The following CDH18 variants were observed in gnomAD, a reference collection of about 807,000 sequenced individuals.
The protein encoded by CDH18 is cadherin 18.
In CDH18, 31 loss-of-function variants were observed where a neutral mutation model predicts 67.9. That is an observed-to-expected ratio of 0.46 (90% CI 0.34 to 0.62). CDH18 has a LOEUF of 0.62. Among genes scored for constraint, CDH18 ranks in the 20% least tolerant of loss-of-function variants. CDH18 has a pLI of 0.01. For missense variants in CDH18, 890 were observed against 975.5 expected (o/e 0.91, Z 1.17); for synonymous variants, 362 against 347.2 (o/e 1.04, Z -0.48).
chr5:20,352,401 G>A (rs1157467087), intron 1 of CDH18, among the ~76,000 whole-genome samples: 1 of 151,910 alleles, frequency 6.6e-6, no homozygotes, highest in Non-Finnish European at 1.5e-5. Context: ...ATTTTTGACT[G>A]TGTGGGGGGC....
intron 1 of CDH18, among the ~76,000 whole-genome samples, chr5:20,387,695 G>C: frequency 6.6e-6 from 1 of 152,078 alleles, no homozygotes; most frequent in Non-Finnish European, 1.5e-5. Context: ...TATGATATTG[G>C]CTGTGGGTTT....
intron 5 of CDH18, among the ~76,000 whole-genome samples, chr5:19,674,806 G>T (rs760126758): frequency 6.6e-6 from 1 of 151,984 alleles, no homozygotes; most frequent in African/African-American, 2.4e-5. Flanking sequence ...TTAACACACC[G>T]GTTTATCGTT....
chr5:20,251,093 C>A (rs1183799178), intron 2 of CDH18, among the ~76,000 whole-genome samples: 2 of 152,094 alleles, frequency 1.3e-5, no homozygotes, highest in South Asian at 2.1e-4. Flanking sequence ...TCTGCTATAA[C>A]CCCTTCTGAA....
chr5:20,156,351 G>A (rs564720898), intron 2 of CDH18, among the ~76,000 whole-genome samples: 1 of 152,030 alleles, frequency 6.6e-6, no homozygotes, highest in African/African-American at 2.4e-5. Flanking sequence ...ACTGATGAAT[G>A]GATTTAAAAA....
At chr5:20,483,936 C>A (rs1257269097) in intron 1 of CDH18, among the ~76,000 whole-genome samples, 1 of 151,872 alleles carries the variant, frequency 6.6e-6, no homozygotes, top group East Asian at 1.9e-4. Flanking sequence ...CATATGAAAT[C>A]ACATCAAGTT....
At chr5:20,191,244 A>C (rs1014548919) in intron 2 of CDH18, among the ~76,000 whole-genome samples, 1 of 152,134 alleles carries the variant, frequency 6.6e-6, no homozygotes, top group African/African-American at 2.4e-5. Context: ...AATTGCTCAA[A>C]ATGAATAACC....
intron 1 of CDH18, among the ~76,000 whole-genome samples, chr5:19,986,871 A>G (rs1005895450): frequency 1.1e-4 from 17 of 152,164 alleles, no homozygotes; most frequent in Admixed American, 4.6e-4. Flanking sequence ...AAAAAGAACA[A>G]TTATTGCAGG....
chr5:20,307,562 T>G (rs1474812004), intron 1 of CDH18, among the ~76,000 whole-genome samples: 2 of 152,196 alleles, frequency 1.3e-5, no homozygotes, highest in Non-Finnish European at 2.9e-5. Flanking sequence ...AAGCAGTGCC[T>G]TAGGAGATTA....
At chr5:20,256,068 T>C (rs1744211107) in intron 1 of CDH18, among the ~76,000 whole-genome samples, 1 of 151,946 alleles carries the variant, frequency 6.6e-6, no homozygotes, top group Admixed American at 6.6e-5. Context: ...ATAAAAAATA[T>C]ATATTGTTCT....
At chr5:19,727,731 AT>A (rs1246608090) in intron 4 of CDH18, among the ~76,000 whole-genome samples, 13 of 150,038 alleles carry the variant, frequency 8.7e-5, no homozygotes, top group South Asian at 2.2e-4. Flanking sequence ...AAGAAAAAAA[AT>A]ATCTGTAATT....
At chr5:20,002,084 G>A (rs1736491880) in intron 2 of CDH18, among the ~76,000 whole-genome samples, 1 of 152,092 alleles carries the variant, frequency 6.6e-6, no homozygotes, top group Non-Finnish European at 1.5e-5. Flanking sequence ...GACATTGATG[G>A]TTTCCTTATC....
At chr5:19,856,660 G>C (rs1041050733) in intron 2 of CDH18, among the ~76,000 whole-genome samples, 1 of 151,778 alleles carries the variant, frequency 6.6e-6, no homozygotes, top group Non-Finnish European at 1.5e-5. Context: ...AATCTGATGA[G>C]TGTTATAAAA....
chr5:19,967,143 C>T (rs1274951918), intron 2 of CDH18, among the ~76,000 whole-genome samples: 1 of 151,264 alleles, frequency 6.6e-6, no homozygotes, highest in Non-Finnish European at 1.5e-5. Flanking sequence ...AGAATGAATG[C>T]TATAAAAGCT....
At chr5:19,592,398 G>C (rs1388648256) in intron 6 of CDH18, among the ~76,000 whole-genome samples, 1 of 151,920 alleles carries the variant, frequency 6.6e-6, no homozygotes. Flanking sequence ...AGTTAAAAAA[G>C]CTTATTAGAG....
intron 2 of CDH18, among the ~76,000 whole-genome samples, chr5:19,960,439 A>T (rs1796678714): frequency 6.6e-6 from 1 of 151,522 alleles, no homozygotes; most frequent in African/African-American, 2.4e-5. Flanking sequence ...TTGTCCCATT[A>T]AAACGTCTTC....
At chr5:20,363,477 CAA>C (rs1187140017) in intron 1 of CDH18, among the ~76,000 whole-genome samples, 1 of 101,310 alleles carries the variant, frequency 9.9e-6, no homozygotes, top group Admixed American at 1.3e-4. Flanking sequence ...GACTCCGTAT[CAA>C]AAAAAAAAAA....
intron 8 of CDH18, among the ~76,000 whole-genome samples, chr5:19,562,641 TG>T (rs1359146514): frequency 6.6e-6 from 1 of 152,212 alleles, no homozygotes; most frequent in Non-Finnish European, 1.5e-5. Context: ...GTTTCCAATA[TG>T]TTCACAATAC....
At chr5:19,661,492 T>C (rs1442131214) in intron 5 of CDH18, among the ~76,000 whole-genome samples, 3 of 151,944 alleles carry the variant, frequency 2.0e-5, no homozygotes, top group African/African-American at 7.2e-5. Context: ...TCTTCTCTTT[T>C]TCACATATTG....
chr5:19,619,277 C>A (rs1051019076), intron 5 of CDH18, among the ~76,000 whole-genome samples: 1 of 152,054 alleles, frequency 6.6e-6, no homozygotes, highest in Non-Finnish European at 1.5e-5. Flanking sequence ...ATACAACTTA[C>A]GAAGTTGAAA....
Sources: allele counts gnomAD v4.1 joint callset (sites outside exome capture counted in the v4.1 genomes callset), GRCh38; gene constraint gnomAD v4.1.1; transcripts MANE v1.5; gene names NCBI Gene and HGNC (gene_info 2026-07-23, HGNC 2026-07-21).